The following SMOC1 variants were observed in gnomAD, a reference collection of about 807,000 sequenced individuals.
SMOC1 encodes SPARC related modular calcium binding 1.
In SMOC1, 22 loss-of-function variants were observed where a neutral mutation model predicts 56.3. The ratio of observed to expected loss-of-function variants is 0.39; its 90% CI spans 0.28 to 0.56. The LOEUF is 0.56. Ranked by LOEUF, SMOC1 falls within the 20% of genes least tolerant of loss-of-function variation. The pLI is 0.61. For missense variants in SMOC1, 509 were observed against 565.4 expected (o/e 0.90, Z 1.01); for synonymous variants, 193 against 215.0 (o/e 0.90, Z 0.89).
At position 70,003,022 on chromosome 14, in the gene SMOC1, C is replaced by T. The variant is rs910673484; in HGVS notation, c.665-7732C>T. ...CCACCCTACAGTTCTGGAACACTCCCGACACCACACTCTCACATGCTCGCA... is the reference window on the plus strand; with the variant it reads ...CCACCCTACAGTTCTGGAACACTCCTGACACCACACTCTCACATGCTCGCA... On this transcript the variant is annotated intron_variant, in intron 7 of 11. Transcript: ENST00000361956. Among the ~76,000 whole-genome samples the T allele has an allele frequency of 3.9e-5, 6 of 152,194 alleles. No individual in the cohort carries two copies. The East Asian group carries it at 7.7e-4, about 19-fold the overall frequency.
At chr14:69,986,391 T>A (rs1884366909) in intron 5 of SMOC1, among the ~76,000 whole-genome samples, 1 of 152,146 alleles carries the variant, frequency 6.6e-6, no homozygotes, top group Non-Finnish European at 1.5e-5. Flanking sequence ...TACACACAAA[T>A]GAGTGCATTT....
intron 3 of SMOC1, among the ~76,000 whole-genome samples, chr14:69,973,771 G>A (rs376152052): frequency 2.0e-5 from 3 of 152,166 alleles, no homozygotes; most frequent in Admixed American, 6.5e-5. Context: ...GTGTCCACAC[G>A]AGAGCAGAAG....
intron 10 of SMOC1, 38 bp downstream of exon 10, chr14:70,013,529 T>G: frequency 6.3e-7 from 1 of 1,593,550 alleles, no homozygotes; most frequent in Non-Finnish European, 8.6e-7. Flanking sequence ...AGGAGAAAAA[T>G]GTGGGGCCCC....
intron 2 of SMOC1, among the ~76,000 whole-genome samples, chr14:69,952,528 A>G (rs996696794): frequency 1.3e-5 from 2 of 152,210 alleles, no homozygotes; most frequent in Non-Finnish European, 2.9e-5. Flanking sequence ...GCTTAAAGAG[A>G]TGTGCTGCTA....
chr14:69,932,384 A>G (rs1885189342), intron 1 of SMOC1, among the ~76,000 whole-genome samples: 1 of 152,056 alleles, frequency 6.6e-6, no homozygotes, highest in Non-Finnish European at 1.5e-5. Flanking sequence ...GGACTTTACT[A>G]CCACGCCACC....
At chr14:70,010,216 AGGCT>A (rs997527874) in intron 7 of SMOC1, among the ~76,000 whole-genome samples, 1 of 152,214 alleles carries the variant, frequency 6.6e-6, no homozygotes, top group Non-Finnish European at 1.5e-5. Flanking sequence ...GGAGAAGCCA[AGGCT>A]GGACCTTGTT....
chr14:69,960,792 CT>C (rs1883342458), intron 3 of SMOC1, among the ~76,000 whole-genome samples: 1 of 145,222 alleles, frequency 6.9e-6, no homozygotes, highest in South Asian at 2.2e-4. Context: ...TTTTCTTCAT[CT>C]TTAGGTTCTT....
intron 1 of SMOC1, among the ~76,000 whole-genome samples, chr14:69,883,378 T>C (rs953045963): frequency 2.0e-5 from 3 of 152,244 alleles, no homozygotes; most frequent in African/African-American, 4.8e-5. Context: ...AGTGAGATTA[T>C]GCAGTATCTG....
Position 70,030,408 on chromosome 14 carries a change from C to A in SMOC1, c.*150C>A. On this transcript the variant is annotated 3_prime_UTR_variant, in exon 12 of 12. Transcript: ENST00000361956. ...TTGCACTTTTAATAACTCTTACTTG[C>A]GTGTTTTGTTTTTGGTTTCATTTTA... 4.2e-6 allele frequency: 4 copies of A among 954,474 alleles called. No individual in the cohort carries two copies. Among genetic ancestry groups the A allele is most frequent in the Middle Eastern group, 3.1e-4 (1 of 3,188 alleles). The allele number at this position is 954,474 out of a possible 1,614,324, so 59.1% of individuals were successfully genotyped here.
At chr14:69,999,220 C>G (rs565099545) in intron 7 of SMOC1, among the ~76,000 whole-genome samples, 10 of 152,186 alleles carry the variant, frequency 6.6e-5, no homozygotes, top group Admixed American at 4.6e-4. Context: ...CATTTGGCCA[C>G]GTCTTGGATT....
chr14:69,970,325 A>G (rs117435801), intron 3 of SMOC1, among the ~76,000 whole-genome samples: 299 of 152,228 alleles, frequency 2.0e-3, no homozygotes, highest in Admixed American at 3.0e-3. Context: ...GGGACAAGGT[A>G]CTGGGAGCCA....
chr14:69,941,784 G>T (rs953702332), intron 1 of SMOC1, among the ~76,000 whole-genome samples: 1 of 152,114 alleles, frequency 6.6e-6, no homozygotes, highest in Non-Finnish European at 1.5e-5. Flanking sequence ...GTGTACTTAG[G>T]TGTACCTGTT....
At chr14:70,018,203 G>A (rs1191886938) in intron 10 of SMOC1, among the ~76,000 whole-genome samples, 1 of 152,078 alleles carries the variant, frequency 6.6e-6, no homozygotes, top group East Asian at 1.9e-4. Flanking sequence ...CAGGATTGGA[G>A]GGGAGCAAGG....
intron 1 of SMOC1, among the ~76,000 whole-genome samples, chr14:69,900,830 G>T (rs2139325157): frequency 6.6e-6 from 1 of 152,362 alleles, no homozygotes; most frequent in Middle Eastern, 3.4e-3. Flanking sequence ...TGCCACAGCT[G>T]ATTAAACTCA....
In SMOC1 at chr14:69,903,863, A is replaced by G. The variant is rs534307559; in HGVS notation, c.99+24086A>G. 5.2e-3 allele frequency among the ~76,000 whole-genome samples: 788 copies of G among 151,618 alleles called. 2 individuals are homozygous for G. Among genetic ancestry groups the G allele is most frequent in the Non-Finnish European group, 8.7e-3 (590 of 67,846 alleles). ...CCACTATTGTCCTATGACCCTGCCA[A>G]ATCCCCCTCTGCAAGAAACACCCAA... On this transcript the variant is annotated intron_variant, in intron 1 of 11. Transcript: ENST00000361956.
chr14:69,943,500 C>T (rs761968630), intron 1 of SMOC1, among the ~76,000 whole-genome samples: 44 of 152,176 alleles, frequency 2.9e-4, no homozygotes, highest in Non-Finnish European at 4.4e-5. Context: ...AACTACTCTC[C>T]ATTCCCAAGG....
At chr14:69,961,209 C>T (rs1177543895) in intron 3 of SMOC1, among the ~76,000 whole-genome samples, 1 of 146,576 alleles carries the variant, frequency 6.8e-6, no homozygotes, top group Non-Finnish European at 1.5e-5. Flanking sequence ...TTTCAAGGCT[C>T]AGCCTTGTTG....
At chr14:69,996,067 T>A (rs142552247) in intron 7 of SMOC1, among the ~76,000 whole-genome samples, 5 of 152,320 alleles carry the variant, frequency 3.3e-5, no homozygotes, top group African/African-American at 1.2e-4. Context: ...AAGTGGAAGA[T>A]ACGAAGGTGA....
rs76590286 is a variant in SMOC1 at position 70,020,097 on chromosome 14, T to C, written c.1047-3106T>C. Reference sequence around the variant, plus strand: ...ATGCTTAAATATTCTTCTTGGGCCATGGCTAGAGCCTCCATTCCTCTAGAT... The same window carrying C: ...ATGCTTAAATATTCTTCTTGGGCCACGGCTAGAGCCTCCATTCCTCTAGAT... On this transcript the variant is annotated intron_variant, in intron 10 of 11. Coordinates refer to ENST00000361956, the MANE Select transcript of SMOC1 (RefSeq NM_001034852.3). Among the ~76,000 whole-genome samples, 29 of 152,162 alleles carry C rather than the reference T, an allele frequency of 1.9e-4. 1 individual carries two copies. The East Asian group carries it at 5.4e-3, about 28-fold the overall frequency.
Sources: allele counts gnomAD v4.1 joint callset (sites outside exome capture counted in the v4.1 genomes callset), GRCh38; gene constraint gnomAD v4.1.1; transcripts MANE v1.5; gene names NCBI Gene and HGNC (gene_info 2026-07-23, HGNC 2026-07-21).